Variants in ATG7 observed in about 807,000 individuals in gnomAD.
ATG7 encodes the protein ubiquitin-like modifier-activating enzyme ATG7.
A neutral mutation model predicts 82.4 loss-of-function variants in ATG7; 70 were observed. The observed-to-expected ratio is 0.85, with a 90% CI of 0.70 to 1.04. The LOEUF is 1.04. ATG7 is among the 50% of genes least tolerant of loss of function. The pLI, the probability that ATG7 is intolerant of heterozygous loss-of-function variation, is 0.00. For missense variants in ATG7, 792 were observed against 864.3 expected (o/e 0.92, Z 1.05); for synonymous variants, 287 against 313.0 (o/e 0.92, Z 0.88).
chr3:11,377,575 TTG>T (rs2077518267), intron 18 of ATG7, among the ~76,000 whole-genome samples: 1 of 152,204 alleles, frequency 6.6e-6, no homozygotes, highest in Non-Finnish European at 1.5e-5. Context: ...TTACCAGTAT[TTG>T]TGCAACATAA....
At chr3:11,489,379 TATTA>T (rs1424365689) in intron 20 of ATG7, among the ~76,000 whole-genome samples, 2 of 152,148 alleles carry the variant, frequency 1.3e-5, no homozygotes, top group East Asian at 3.8e-4. Context: ...TTTTCTTCTT[TATTA>T]GTCTTGCTAG....
At chr3:11,311,383 T>G (rs1948642089) in intron 7 of ATG7, among the ~76,000 whole-genome samples, 1 of 151,922 alleles carries the variant, frequency 6.6e-6, no homozygotes, top group Non-Finnish European at 1.5e-5. Flanking sequence ...GTAGGCGGAT[T>G]GCCTGAGCTC....
rs552139160 is a variant in ATG7 at position 11,549,897 on chromosome 3, G to A, written c.2080-4914G>A. ...CACATCCTCACAGACATCGGGCATCGCTGGCCTTTAGCTTCAGCTCTCCGA... is the reference window on the plus strand; with the variant it reads ...CACATCCTCACAGACATCGGGCATCACTGGCCTTTAGCTTCAGCTCTCCGA... On this transcript the variant is annotated intron_variant, in intron 20 of 20. Transcript: ENST00000693202. Among the ~76,000 whole-genome samples the A allele has an allele frequency of 3.2e-4, 48 of 152,302 alleles. 2 individuals carry two copies. The Middle Eastern group carries it at 0.02, about 65-fold the overall frequency.
At chr3:11,409,245 T>C (rs1225351915) in intron 19 of ATG7, among the ~76,000 whole-genome samples, 1 of 152,240 alleles carries the variant, frequency 6.6e-6, no homozygotes, top group East Asian at 1.9e-4. Flanking sequence ...GTAATAGGCA[T>C]TCATTAGAAA....
chr3:11,529,189 C>T (rs929211795), intron 20 of ATG7, among the ~76,000 whole-genome samples: 1 of 152,126 alleles, frequency 6.6e-6, no homozygotes, highest in Admixed American at 6.5e-5. Flanking sequence ...CCTGGGGCAC[C>T]TCCAAAGCCA....
chr3:11,492,545 GT>G (rs150939393), intron 20 of ATG7, among the ~76,000 whole-genome samples: 5,786 of 152,334 alleles, frequency 0.038, 119 homozygotes, highest in African/African-American at 0.051. Flanking sequence ...GGGGTTCCCT[GT>G]TTACTCAGTC....
intron 20 of ATG7, among the ~76,000 whole-genome samples, chr3:11,517,686 A>G (rs1242599969): frequency 6.6e-6 from 1 of 152,216 alleles, no homozygotes; most frequent in Non-Finnish European, 1.5e-5. Context: ...CAGAAAGAGA[A>G]TGAGGGAAGA....
chr3:11,325,637 T>C (rs940864093), intron 9 of ATG7, among the ~76,000 whole-genome samples: 2 of 151,766 alleles, frequency 1.3e-5, no homozygotes, highest in African/African-American at 4.8e-5. Context: ...TGCCATTGCA[T>C]TCCAGCCTGG....
chr3:11,387,862 C>T (rs2078439311), intron 19 of ATG7, among the ~76,000 whole-genome samples: 1 of 152,058 alleles, frequency 6.6e-6, no homozygotes, highest in African/African-American at 2.4e-5. Context: ...CCCAGCTACT[C>T]AGGAGGCTGA....
At chr3:11,334,445 T>G (rs909451202) in intron 11 of ATG7, among the ~76,000 whole-genome samples, 1 of 151,346 alleles carries the variant, frequency 6.6e-6, no homozygotes, top group Non-Finnish European at 1.5e-5. Context: ...GGTTTCACCA[T>G]GTTGGTCAGG....
intron 3 of ATG7, among the ~76,000 whole-genome samples, chr3:11,289,496 G>A (rs1320294602): frequency 6.6e-6 from 1 of 152,194 alleles, no homozygotes; most frequent in Non-Finnish European, 1.5e-5. Context: ...GGTTTCAGCA[G>A]CTCAACATCA....
chr3:11,439,023 T>G (rs956853321), intron 20 of ATG7, among the ~76,000 whole-genome samples: 2 of 152,038 alleles, frequency 1.3e-5, no homozygotes, highest in Admixed American at 1.3e-4. Flanking sequence ...AAATTGATTT[T>G]TAGTTCTGAG....
intron 18 of ATG7, among the ~76,000 whole-genome samples, chr3:11,369,715 TA>T (rs894283487): frequency 2.0e-5 from 3 of 151,154 alleles, no homozygotes; most frequent in Admixed American, 2.0e-4. Flanking sequence ...GGATAAATTA[TA>T]ATGTCAGCGT....
chr3:11,543,560 G>A (rs79076247), intron 20 of ATG7, among the ~76,000 whole-genome samples: 1 of 152,214 alleles, frequency 6.6e-6, no homozygotes, highest in South Asian at 2.1e-4. Flanking sequence ...AGAGTGGGAA[G>A]GCAGGCGGGT....
chr3:11,391,504 T>C (rs937475383), intron 19 of ATG7, among the ~76,000 whole-genome samples: 3 of 152,202 alleles, frequency 2.0e-5, no homozygotes, highest in African/African-American at 4.8e-5. Context: ...TCTGTGCTGT[T>C]AGAGGCAGGG....
At chr3:11,349,606 A>G (rs547999451) in intron 14 of ATG7, among the ~76,000 whole-genome samples, 1 of 152,336 alleles carries the variant, frequency 6.6e-6, no homozygotes, top group Non-Finnish European at 1.5e-5. Flanking sequence ...GAATGTATGA[A>G]TAAATGTTTT....
At chr3:11,488,449 G>C (rs968294098) in intron 20 of ATG7, 32 of 1,270,314 alleles carry the variant, frequency 2.5e-5, no homozygotes, top group Non-Finnish European at 3.2e-5. Flanking sequence ...GGCTGCGGTC[G>C]GTCGCGGCAG....
chr3:11,510,221 T>G, intron 20 of ATG7: 1 of 456,762 alleles, frequency 2.2e-6, no homozygotes, highest in Non-Finnish European at 4.4e-6. Flanking sequence ...GAATGGCACC[T>G]TCCCCGCCCA....
chr3:11,538,994 CTTG>C lies in ATG7; in HGVS notation c.2080-15816_2080-15814del, dbSNP rs1212964329. Among the ~76,000 whole-genome samples the C allele has an allele frequency of 3.5e-3, 530 of 152,280 alleles. 2 individuals are homozygous for C. The highest frequency in any genetic ancestry group is 0.012 in the African/African-American group (505 of 41,546). ...GAGCATGGAGAAGGGATCTGAGCTTCTTGCTATTTTCAATGTGAAAAGCTTTAA... is the reference window on the plus strand; with the variant it reads ...GAGCATGGAGAAGGGATCTGAGCTTCCTATTTTCAATGTGAAAAGCTTTAA... On this transcript the variant is annotated intron_variant, in intron 20 of 20. Coordinates refer to ENST00000693202, the MANE Select transcript of ATG7 (RefSeq NM_001349232.2).
Sources: allele counts gnomAD v4.1 joint callset (sites outside exome capture counted in the v4.1 genomes callset), GRCh38; gene constraint gnomAD v4.1.1; transcripts MANE v1.5; gene names NCBI Gene and HGNC (gene_info 2026-07-23, HGNC 2026-07-21).